The following ITCH variants were observed in gnomAD, a reference collection of about 807,000 sequenced individuals.
The protein encoded by ITCH is itchy E3 ubiquitin protein ligase, also known as E3 ubiquitin-protein ligase Itchy homolog.
A neutral mutation model predicts 126.8 loss-of-function variants in ITCH; 28 were observed. The observed-to-expected ratio is 0.22, with a 90% CI of 0.16 to 0.30. The LOEUF is 0.30. Among genes scored for constraint, ITCH ranks in the 10% least tolerant of loss-of-function variants. The pLI, the probability that ITCH is intolerant of heterozygous loss-of-function variation, is 1.00. For synonymous variants in ITCH, 342 were observed against 340.0 expected, an observed-to-expected ratio of 1.01 and a Z score of -0.06; for missense variants, 631 against 1,032.4, an observed-to-expected ratio of 0.61 and a Z score of 5.33.
chr20:34,466,382 T>C (rs551119628), intron 14 of ITCH: 2 of 532,782 alleles, frequency 3.8e-6, no homozygotes, highest in Admixed American at 1.9e-5. Flanking sequence ...GTAGTTTTCT[T>C]ATAGTGTGGC....
intron 17 of ITCH, among the ~76,000 whole-genome samples, chr20:34,478,919 T>C (rs1042275415): frequency 6.6e-6 from 1 of 152,174 alleles, no homozygotes; most frequent in Non-Finnish European, 1.5e-5. Flanking sequence ...GATACACTTA[T>C]CACAAGAGGC....
intron 12 of ITCH, among the ~76,000 whole-genome samples, chr20:34,455,744 C>T (rs1049172842): frequency 7.2e-5 from 11 of 151,888 alleles, no homozygotes; most frequent in Non-Finnish European, 1.3e-4. Flanking sequence ...TCCCAACGTG[C>T]TAGAATTACA....
intron 11 of ITCH, among the ~76,000 whole-genome samples, chr20:34,447,344 T>C (rs963076896): frequency 2.6e-5 from 4 of 152,218 alleles, no homozygotes; most frequent in South Asian, 4.1e-4. Context: ...GCCAAAGATA[T>C]AAGCTGAAGT....
Position 34,479,622 on chromosome 20 carries a change from G to A in ITCH, c.1659-8G>A, listed in dbSNP as rs749403195. 1.9e-6 allele frequency: 3 copies of A among 1,612,912 alleles called. No homozygotes were observed. Among genetic ancestry groups the A allele is most frequent in the South Asian group, 2.2e-5 (2 of 91,014 alleles). On this transcript the variant is annotated splice_polypyrimidine_tract_variant and splice_region_variant and intron_variant, in intron 17 of 24. Transcript: ENST00000374864. ...GATTTTTCATCGTAAATTTTCTTTT[G>A]ATTTCAGAGAATGGTTCTTTCTTTT...
intron 6 of ITCH, 61 bp downstream of exon 6, chr20:34,413,940 T>G: frequency 7.5e-7 from 1 of 1,336,402 alleles, no homozygotes. Context: ...GCCATTGTAG[T>G]ATGCTGTATG....
rs1470851669 is a variant in ITCH at position 34,424,406 on chromosome 20, G to C, written c.476-74G>C. Reference sequence around the variant, plus strand: ...TTTAATAAAAGGCTTTGCTTACATGGCATGTTTAGAAAAGAAAAAACATGA... The same window carrying C: ...TTTAATAAAAGGCTTTGCTTACATGCCATGTTTAGAAAAGAAAAAACATGA... On this transcript the variant is annotated intron_variant, in intron 6 of 24. Coordinates refer to ENST00000374864, the MANE Select transcript of ITCH (RefSeq NM_031483.7). 4 of 1,065,352 alleles carry C rather than the reference G, an allele frequency of 3.8e-6. No homozygotes were observed. In the Admixed American group the frequency reaches 6.8e-5, roughly 18 times the overall value. The allele number at this position is 1,065,352 out of a possible 1,614,324, so 66.0% of individuals were successfully genotyped here.
At chr20:34,363,550 G>A (rs1413825149) in intron 1 of ITCH, among the ~76,000 whole-genome samples, 5 of 152,246 alleles carry the variant, frequency 3.3e-5, no homozygotes, top group Admixed American at 6.5e-5. Context: ...GGTGGGGGTG[G>A]GCTGTCTGGA....
intron 14 of ITCH, among the ~76,000 whole-genome samples, chr20:34,466,572 T>TA (rs1987089802): frequency 6.6e-6 from 1 of 152,186 alleles, no homozygotes; most frequent in Non-Finnish European, 1.5e-5. Context: ...TCATTTTAGT[T>TA]ACAATAAGTT....
At chr20:34,420,147 A>G (rs936399611) in intron 6 of ITCH, among the ~76,000 whole-genome samples, 27 of 152,228 alleles carry the variant, frequency 1.8e-4, no homozygotes, top group African/African-American at 6.3e-4. Context: ...TAAAGTGTAC[A>G]CCTTAATGGT....
chr20:34,449,240 T>A (rs1018292465), intron 11 of ITCH, among the ~76,000 whole-genome samples, 171 bp from the exon 12 acceptor site: 14 of 152,316 alleles, frequency 9.2e-5, no homozygotes, highest in African/African-American at 3.1e-4. Context: ...CCGGTTTTTT[T>A]TAAACCAAAC....
Position 34,475,806 on chromosome 20 carries a change from T to C in ITCH, c.1570-1966T>C, listed in dbSNP as rs1228683229. ...AATTTAGTAGTTATACAAGGTGAAT[T>C]AAAATAGTAAAGCTAGTCATAATAC... On this transcript the variant is annotated intron_variant, in intron 16 of 24. Coordinates refer to ENST00000374864, the MANE Select transcript of ITCH (RefSeq NM_031483.7). The C allele has an allele frequency of 4.5e-6, 3 of 661,762 alleles. No individual in the cohort carries two copies. In the East Asian group the frequency reaches 8.2e-5, roughly 18 times the overall value. 41.0% of individuals were successfully genotyped at this position (661,762 alleles called of 1,614,324 possible). A position where few individuals can be genotyped will look rare whatever the true frequency, so the allele number is the denominator to read the frequency against.
intron 4 of ITCH, among the ~76,000 whole-genome samples, chr20:34,411,043 A>G (rs959180358): frequency 6.6e-6 from 1 of 152,180 alleles, no homozygotes; most frequent in African/African-American, 2.4e-5. Flanking sequence ...TGAGAATTGA[A>G]TTGAAACAAG....
At chr20:34,487,014 T>TTG (rs1347870624) in intron 20 of ITCH, among the ~76,000 whole-genome samples, 2 of 145,256 alleles carry the variant, frequency 1.4e-5, no homozygotes, top group Non-Finnish European at 3.0e-5. Context: ...TTTGTTAGGT[T>TTG]TTTTTTTTTT....
intron 3 of ITCH, among the ~76,000 whole-genome samples, chr20:34,400,792 C>T (rs1319123364): frequency 2.0e-5 from 3 of 151,876 alleles, no homozygotes; most frequent in African/African-American, 7.3e-5. Flanking sequence ...GAGTCTCGCT[C>T]TGTCACCCAG....
chr20:34,425,574 G>A lies in ITCH; in HGVS notation c.521+1049G>A, dbSNP rs549765907. 4.7e-4 allele frequency among the ~76,000 whole-genome samples: 71 copies of A among 152,302 alleles called. 1 individual carries two copies. The highest frequency in any genetic ancestry group is 1.7e-3 in the African/African-American group (69 of 41,570). ...TTCTGAGATAGGAGAAAACCGCCCC[G>A]TGGCTGGAGGTGAGATATGCTGGCA... On this transcript the variant is annotated intron_variant, in intron 7 of 24. Transcript: ENST00000374864.
chr20:34,502,284 G>A (rs747299064), intron 23 of ITCH, among the ~76,000 whole-genome samples: 1 of 152,104 alleles, frequency 6.6e-6, no homozygotes, highest in Non-Finnish European at 1.5e-5. Flanking sequence ...TTTGGAGGCT[G>A]AGGCAGGAGA....
chr20:34,470,880 C>T (rs372099287), intron 15 of ITCH, among the ~76,000 whole-genome samples: 14 of 152,268 alleles, frequency 9.2e-5, no homozygotes, highest in African/African-American at 2.6e-4. Context: ...CCAGCATGCC[C>T]GGACACCAGC....
At chr20:34,402,413 G>A (rs1406217958) in intron 3 of ITCH, 14 of 774,822 alleles carry the variant, frequency 1.8e-5, no homozygotes, top group Admixed American at 1.7e-4. Flanking sequence ...TTTGGACAGT[G>A]GCACCCACTT....
intron 20 of ITCH, among the ~76,000 whole-genome samples, chr20:34,483,083 G>C (rs1336164548): frequency 6.6e-6 from 1 of 152,190 alleles, no homozygotes; most frequent in African/African-American, 2.4e-5. Context: ...CAAGTCCCTA[G>C]AGTGCACACA....
Sources: allele counts gnomAD v4.1 joint callset (sites outside exome capture counted in the v4.1 genomes callset), GRCh38; gene constraint gnomAD v4.1.1; transcripts MANE v1.5; gene names NCBI Gene and HGNC (gene_info 2026-07-23, HGNC 2026-07-21).